The following KLHL3 variants were observed in gnomAD, a reference collection of about 807,000 sequenced individuals.
KLHL3 encodes the protein kelch like family member 3, also known as kelch-like protein 3.
KLHL3 carries 19 observed loss-of-function variants against 70.5 expected under a neutral mutation model. The observed-to-expected ratio is 0.27, with a 90% CI of 0.19 to 0.40. The LOEUF (loss-of-function observed/expected upper bound fraction) is 0.40, where lower values mean the gene tolerates loss of function less well. Ranked by LOEUF, KLHL3 falls within the 10% of genes least tolerant of loss-of-function variation. The pLI, the probability that KLHL3 is intolerant of heterozygous loss-of-function variation, is 1.00. For missense variants in KLHL3, 512 were observed against 771.1 expected (o/e 0.66, Z 3.98); for synonymous variants, 258 against 290.3 (o/e 0.89, Z 1.13).
intron 3 of KLHL3, among the ~76,000 whole-genome samples, chr5:137,699,778 A>G (rs1022740310): frequency 2.6e-5 from 4 of 152,234 alleles, no homozygotes; most frequent in African/African-American, 2.4e-5. Context: ...CAGAAGCCTC[A>G]ATGTGAGTGT....
At chr5:137,653,699 C>A (rs1751266956) in intron 8 of KLHL3, among the ~76,000 whole-genome samples, 1 of 152,166 alleles carries the variant, frequency 6.6e-6, no homozygotes, top group Non-Finnish European at 1.5e-5. Flanking sequence ...TTAGCAATTT[C>A]TTATAAAGTT....
At chr5:137,670,641 T>C (rs1312778238) in intron 6 of KLHL3, among the ~76,000 whole-genome samples, 13 of 151,986 alleles carry the variant, frequency 8.6e-5, no homozygotes, top group Admixed American at 2.6e-4. Flanking sequence ...CTCCTAAATG[T>C]ATCTGACCTG....
chr5:137,693,600 A>G (rs1165636848), intron 4 of KLHL3, among the ~76,000 whole-genome samples: 1 of 152,128 alleles, frequency 6.6e-6, no homozygotes, highest in African/African-American at 2.4e-5. Context: ...TCTGAGAATG[A>G]TTTTCCAAAA....
At chr5:137,682,707 G>A (rs1265025064) in intron 5 of KLHL3, among the ~76,000 whole-genome samples, 1 of 151,990 alleles carries the variant, frequency 6.6e-6, no homozygotes, top group Non-Finnish European at 1.5e-5. Context: ...TATTCTATTC[G>A]GACTGGGAGC....
chr5:137,675,446 T>G (rs1751862968), intron 6 of KLHL3, among the ~76,000 whole-genome samples: 1 of 152,184 alleles, frequency 6.6e-6, no homozygotes, highest in East Asian at 1.9e-4. Context: ...TGCCATTTAT[T>G]GAGTGCCTGC....
intron 3 of KLHL3, among the ~76,000 whole-genome samples, chr5:137,709,084 G>C (rs1236068802): frequency 9.2e-5 from 14 of 152,230 alleles, no homozygotes; most frequent in Admixed American, 3.9e-4. Context: ...ACTAACAGAT[G>C]GGAAATATTT....
intron 1 of KLHL3, among the ~76,000 whole-genome samples, chr5:137,724,574 G>A (rs1753056045): frequency 6.6e-6 from 1 of 152,224 alleles, no homozygotes; most frequent in Non-Finnish European, 1.5e-5. Flanking sequence ...CAAGTGACTT[G>A]CTGATGACCA....
At chr5:137,660,090 CA>C (rs1416402753) in intron 7 of KLHL3, among the ~76,000 whole-genome samples, 1 of 152,116 alleles carries the variant, frequency 6.6e-6, no homozygotes, top group Non-Finnish European at 1.5e-5. Context: ...CATCCTATTC[CA>C]GAGGTGTTCA....
intron 6 of KLHL3, 65 bp from the exon 7 acceptor site, chr5:137,662,096 C>T: frequency 4.4e-6 from 2 of 457,998 alleles, no homozygotes; most frequent in Non-Finnish European, 7.0e-6. Context: ...AACCCTCAAT[C>T]TGTAAAAAAA....
chr5:137,673,583 T>C (rs1469165641), intron 6 of KLHL3: 3 of 152,238 alleles, frequency 2.0e-5, no homozygotes, highest in African/African-American at 7.2e-5. Flanking sequence ...CCCTACCCTC[T>C]AATTCCCCTA....
chr5:137,654,337 A>G (rs1751287330), intron 8 of KLHL3, among the ~76,000 whole-genome samples: 1 of 152,228 alleles, frequency 6.6e-6, no homozygotes, highest in African/African-American at 2.4e-5. Flanking sequence ...AGTTCGGTGT[A>G]AAAGGAAAAG....
intron 3 of KLHL3, among the ~76,000 whole-genome samples, chr5:137,704,928 G>A (rs1226672008): frequency 6.6e-6 from 1 of 152,186 alleles, no homozygotes. Context: ...TAGCCCAAAA[G>A]TGACTAACTC....
At chr5:137,637,575 C>T (rs1288521226) in intron 10 of KLHL3, among the ~76,000 whole-genome samples, 180 bp from the exon 11 acceptor site, 1 of 152,228 alleles carries the variant, frequency 6.6e-6, no homozygotes, top group East Asian at 1.9e-4. Context: ...TCTGCAGTGT[C>T]TGCCTGCAGG....
intron 4 of KLHL3, among the ~76,000 whole-genome samples, chr5:137,693,487 T>C (rs931647081): frequency 5.9e-5 from 9 of 152,118 alleles, no homozygotes; most frequent in African/African-American, 2.2e-4. Flanking sequence ...TTCCCTCAGC[T>C]GCTGAAGCCT....
chr5:137,672,725 C>T (rs1751791222), intron 6 of KLHL3: 1 of 152,160 alleles, frequency 6.6e-6, no homozygotes, highest in Admixed American at 6.5e-5. Flanking sequence ...CACAGCAATT[C>T]AACAGCAAAA....
At chr5:137,702,726 C>G (rs568782193) in intron 3 of KLHL3, among the ~76,000 whole-genome samples, 1 of 152,238 alleles carries the variant, frequency 6.6e-6, no homozygotes, top group African/African-American at 2.4e-5. Flanking sequence ...AAGACTGCTG[C>G]AGAATATCAG....
intron 3 of KLHL3, chr5:137,706,060 T>C (rs760427401): frequency 3.7e-4 from 364 of 985,348 alleles, no homozygotes; most frequent in Non-Finnish European, 4.3e-4. Flanking sequence ...CAGTTTCACA[T>C]TTATTCCAAG....
At chr5:137,677,411 G>A (rs1751910825) in intron 6 of KLHL3, 134 bp downstream of exon 6, 5 of 580,338 alleles carry the variant, frequency 8.6e-6, no homozygotes, top group Non-Finnish European at 1.5e-5. Context: ...TCACACCATC[G>A]CACTCCAGCC....
chr5:137,638,412 G>C (rs1580723834), intron 10 of KLHL3, among the ~76,000 whole-genome samples: 1 of 152,242 alleles, frequency 6.6e-6, no homozygotes, highest in African/African-American at 2.4e-5. Flanking sequence ...TCACCTCTCT[G>C]AGTTTATGTC....
Sources: allele counts gnomAD v4.1 joint callset (sites outside exome capture counted in the v4.1 genomes callset), GRCh38; gene constraint gnomAD v4.1.1; transcripts MANE v1.5; gene names NCBI Gene and HGNC (gene_info 2026-07-23, HGNC 2026-07-21).